Variants in FAM83G observed in about 807,000 individuals in gnomAD.
FAM83G encodes protein FAM83G.
A neutral mutation model predicts 61.5 loss-of-function variants in FAM83G; 38 were observed. That is an observed-to-expected ratio of 0.62 (90% CI 0.48 to 0.81). FAM83G has a LOEUF of 0.81. FAM83G is among the 30% of genes least tolerant of loss of function. The pLI is 0.00. For missense variants in FAM83G, 989 were observed against 1,133.6 expected (o/e 0.87, Z 1.83); for synonymous variants, 470 against 476.1 (o/e 0.99, Z 0.17).
chr17:18,987,944 G>C (rs572292076), intron 3 of FAM83G, among the ~76,000 whole-genome samples: 1 of 152,240 alleles, frequency 6.6e-6, no homozygotes, highest in African/African-American at 2.4e-5. Context: ...ACAGATAACC[G>C]ATGTGGCATG....
rs552268605 is a variant in FAM83G at position 18,983,307 on chromosome 17, G to C, written c.691-3634C>G. Among the ~76,000 whole-genome samples, 48 of 152,384 alleles carry C rather than the reference G, an allele frequency of 3.1e-4. 1 individual carries two copies. The highest frequency in any genetic ancestry group is 5.2e-4 in the Admixed American group (8 of 15,312). ...ATCACTATGGCCATGGGGCGCTCGA[G>C]GCCCAGAGAGGTGGAACCACACGCC... On this transcript the variant is annotated intron_variant, in intron 3 of 5. Transcript: ENST00000388995.
intron 3 of FAM83G, among the ~76,000 whole-genome samples, chr17:18,981,984 C>A (rs1371886976): frequency 6.6e-6 from 1 of 152,240 alleles, no homozygotes; most frequent in African/African-American, 2.4e-5. Flanking sequence ...CCTGGCCCGG[C>A]CACAGACCCC....
At chr17:18,977,319 G>A in intron 5 of FAM83G, 1 of 580,440 alleles carries the variant, frequency 1.7e-6, no homozygotes, top group Non-Finnish European at 3.0e-6. Context: ...ACAGGCTTTG[G>A]AGACCTCTAG....
At chr17:18,999,549 T>C (rs2043672147) in intron 2 of FAM83G, among the ~76,000 whole-genome samples, 2 of 152,156 alleles carry the variant, frequency 1.3e-5, no homozygotes, top group African/African-American at 4.8e-5. Flanking sequence ...CAACACCTAC[T>C]TTCCAGAGTT....
At chr17:18,979,908 G>T (rs551021798) in intron 3 of FAM83G, among the ~76,000 whole-genome samples, 12 of 152,312 alleles carry the variant, frequency 7.9e-5, no homozygotes, top group African/African-American at 2.2e-4. Context: ...GTACAAAGGG[G>T]TTGGCATAAG....
intron 4 of FAM83G, 39 bp downstream of exon 4, chr17:18,979,510 G>C: frequency 1.2e-6 from 2 of 1,608,394 alleles, no homozygotes; most frequent in East Asian, 4.5e-5. Flanking sequence ...GGAGCCAGAG[G>C]TACCTCTCGC....
Position 18,970,831 on chromosome 17 carries a change from C to A in FAM83G, c.*528G>T. 1 of 600,642 alleles carries A rather than the reference C, an allele frequency of 1.7e-6. No individual in the cohort carries two copies. The highest frequency in any genetic ancestry group is 2.0e-5 in the South Asian group (1 of 49,060). The allele number at this position is 600,642 out of a possible 1,614,324, so 37.2% of individuals were successfully genotyped here. ...TACGAATAAAATAGTCATTCAAATA[C>A]ACCTTAAAAAAAAAAACAACCCTCT... is the stretch of plus-strand genomic sequence containing the variant. On this transcript the variant is annotated 3_prime_UTR_variant, in exon 6 of 6. Coordinates refer to ENST00000388995, the MANE Select transcript of FAM83G (RefSeq NM_001039999.3).
chr17:18,990,773 G>A (rs1284232074), intron 2 of FAM83G, among the ~76,000 whole-genome samples: 1 of 142,632 alleles, frequency 7.0e-6, no homozygotes, highest in Admixed American at 7.1e-5. Context: ...ACGAGCTTAT[G>A]CTGGGGATGG....
intron 3 of FAM83G, among the ~76,000 whole-genome samples, chr17:18,981,971 G>A (rs1484499422): frequency 6.6e-6 from 1 of 152,186 alleles, no homozygotes; most frequent in Non-Finnish European, 1.5e-5. Flanking sequence ...CCTCCTGCAG[G>A]CTCCTGGCCC....
chr17:18,971,694 C>T lies in FAM83G; in HGVS notation c.2137G>A (p.Gly713Ser), dbSNP rs202158023. 2,688 of 1,605,304 alleles carry T rather than the reference C, an allele frequency of 1.7e-3. 46 individuals carry two copies. In the South Asian group the frequency reaches 0.024, roughly 15 times the overall value. The change falls in exon 6 of 6, where the codon GGC becomes AGC. Residue 713 changes from glycine (G) to serine (S), a missense_variant. Gly to Ser is a moderately conservative substitution (Grantham distance 56). Around this residue, in one of 3 missense-constraint regions of FAM83G, gnomAD observed 574 missense variants for 645.1 expected, o/e 0.89. Transcript: ENST00000388995. The surrounding 1 kb of genome is among the most constrained non-coding windows in gnomAD (Gnocchi z 5.5). ...VPASGTRDKD[G>S]FPGPPRYRSA... ...CGGTACCTAGGGGGTCCTGGGAAGC[C>T]GTCTTTATCCCTAGTCCCTGAGGCA...
chr17:18,995,518 A>G (rs1401815448), intron 2 of FAM83G, among the ~76,000 whole-genome samples: 1 of 152,228 alleles, frequency 6.6e-6, no homozygotes, highest in East Asian at 1.9e-4. Flanking sequence ...GTGTAATTGC[A>G]GTCTCAGAAG....
rs1205589387 is a variant in FAM83G, at chr17:19,004,203, G to T, written c.-128-34C>A. ...AAGACCTGATGAGCCCGGCTCGGCG[G>T]GGAGGGCGGGCCGCGCGGGGAGGGG... is the stretch of plus-strand genomic sequence containing the variant. On this transcript the variant is annotated intron_variant, in intron 1 of 5. Coordinates refer to ENST00000388995, the MANE Select transcript of FAM83G (RefSeq NM_001039999.3). This position sits in a 1 kb window ranked among gnomAD's most constrained non-coding sequence, Gnocchi z 5.4. 4.6e-6 allele frequency: 3 copies of T among 651,476 alleles called. No homozygotes were observed. Among genetic ancestry groups the T allele is most frequent in the Non-Finnish European group, 7.3e-6 (3 of 409,350 alleles). 40.4% of individuals were successfully genotyped at this position (651,476 alleles called of 1,614,324 possible).
At position 18,969,235 on chromosome 17, in the gene FAM83G, A is replaced by C; in HGVS notation, c.*2124T>G. The C allele has an allele frequency of 6.3e-7, 1 of 1,579,278 alleles. No homozygotes were observed. Among genetic ancestry groups the C allele is most frequent in the Middle Eastern group, 1.7e-4 (1 of 5,900 alleles). The stretch of plus-strand genomic sequence containing the variant: ...AAGGCCACCTCCCCCTACAGGCCCG[A>C]GGGAGCAGCCCAGGAAGTGGCCCCA... On this transcript the variant is annotated 3_prime_UTR_variant, in exon 6 of 6. Coordinates refer to ENST00000388995, the MANE Select transcript of FAM83G (RefSeq NM_001039999.3).
At chr17:18,972,320 AG>A (rs1341267477) in intron 5 of FAM83G, among the ~76,000 whole-genome samples, 2 of 152,210 alleles carry the variant, frequency 1.3e-5, no homozygotes, top group Non-Finnish European at 2.9e-5. Flanking sequence ...CCATAGGACA[AG>A]GCAGCCACAG....
intron 2 of FAM83G, among the ~76,000 whole-genome samples, chr17:18,988,758 C>T (rs1054575641): frequency 2.0e-5 from 3 of 152,232 alleles, no homozygotes; most frequent in Non-Finnish European, 4.4e-5. Flanking sequence ...CGTGGCGGCT[C>T]GCTGGGGCAT....
At position 19,004,390 on chromosome 17, in the gene FAM83G, T is replaced by A. The variant is rs2043823530; in HGVS notation, c.-128-221A>T. Reference sequence around the variant, plus strand: ...GCCACGTCCCAGGGCTCAGCGTGCCTCTACGTGCAGGGAACCCATATCCCA... The same window carrying A: ...GCCACGTCCCAGGGCTCAGCGTGCCACTACGTGCAGGGAACCCATATCCCA... On this transcript the variant is annotated intron_variant, in intron 1 of 5. Coordinates refer to ENST00000388995, the MANE Select transcript of FAM83G (RefSeq NM_001039999.3). This position sits in a 1 kb window ranked among gnomAD's most constrained non-coding sequence, Gnocchi z 5.4. Among the ~76,000 whole-genome samples the A allele has an allele frequency of 6.6e-6, 1 of 152,092 alleles. No homozygotes were observed. The highest frequency in any genetic ancestry group is 2.1e-4 in the South Asian group (1 of 4,830).
At chr17:19,002,643 G>C (rs940830536) in intron 2 of FAM83G, among the ~76,000 whole-genome samples, 7 of 152,236 alleles carry the variant, frequency 4.6e-5, no homozygotes, top group African/African-American at 1.7e-4. Context: ...AGATGTGCTT[G>C]GAAACGATGA....
intron 5 of FAM83G, among the ~76,000 whole-genome samples, chr17:18,975,312 A>G (rs1303484440): frequency 6.6e-6 from 1 of 152,220 alleles, no homozygotes; most frequent in Non-Finnish European, 1.5e-5. Context: ...TAGCCTCTGT[A>G]ATTAATGTTT....
intron 5 of FAM83G, 29 bp downstream of exon 5, chr17:18,977,555 A>G (rs781389324): frequency 6.3e-7 from 1 of 1,588,618 alleles, no homozygotes; most frequent in Non-Finnish European, 8.5e-7. Flanking sequence ...GGGACTCGTG[A>G]CCCCTGGTGT....
Sources: gnomAD v4.1 joint callset for allele counts (sites outside exome capture counted in the v4.1 genomes callset) on GRCh38, gnomAD v4.1.1 for gene constraint, gnomAD v4.1.1 regional missense constraint, Gnocchi (gnomAD v3.1) non-coding constraint, MANE v1.5 for transcripts, NCBI Gene and HGNC (gene_info 2026-07-23, HGNC 2026-07-21) for gene names.